Variants in CCSER1 observed in about 807,000 individuals in gnomAD.
CCSER1 encodes serine-rich coiled-coil domain-containing protein 1.
A neutral mutation model predicts 82.0 loss-of-function variants in CCSER1; 41 were observed. That is an observed-to-expected ratio of 0.50 (90% CI 0.39 to 0.65). CCSER1 has a LOEUF of 0.65. CCSER1 is among the 30% of genes least tolerant of loss of function. CCSER1 has a pLI of 0.00. For synonymous variants in CCSER1, 414 were observed against 383.9 expected (o/e 1.08, Z -0.92); for missense variants, 1,119 against 1,064.2 (o/e 1.05, Z -0.72).
Position 91,598,663 on chromosome 4 carries a change from C to G in CCSER1, c.2309C>G (p.Ser770Trp). ...HTPTEDRFRY[S>W]AADQTSPYKN... ...CCCACCGAGGACCGTTTTAGGTATT[C>G]GGCAGCGGACCAGACAAGCCCCTAC... Residue 770 changes from serine (S) to tryptophan (W), a missense_variant, in exon 11 of 11, where the codon TCG becomes TGG. By Grantham distance (177) the Ser-to-Trp change is radical. Coordinates refer to ENST00000509176, the MANE Select transcript of CCSER1 (RefSeq NM_001145065.2). The G allele has an allele frequency of 6.4e-7, 1 of 1,551,434 alleles. No homozygotes were observed. Among genetic ancestry groups the G allele is most frequent in the Non-Finnish European group, 8.7e-7 (1 of 1,146,912 alleles).
chr4:90,148,939 C>T (rs1024458542), intron 1 of CCSER1, among the ~76,000 whole-genome samples: 4 of 152,124 alleles, frequency 2.6e-5, no homozygotes, highest in African/African-American at 4.8e-5. Flanking sequence ...AAGTAGGTCA[C>T]ACCCTAACTA....
intron 10 of CCSER1, among the ~76,000 whole-genome samples, chr4:91,166,469 A>T (rs534227676): frequency 1.3e-5 from 2 of 152,334 alleles, no homozygotes; most frequent in African/African-American, 2.4e-5. Flanking sequence ...AAGTCTAATT[A>T]CCTGTCAATG....
intron 1 of CCSER1, among the ~76,000 whole-genome samples, chr4:90,209,604 A>G (rs1040497378): frequency 6.6e-6 from 1 of 152,046 alleles, no homozygotes; most frequent in Admixed American, 6.6e-5. Context: ...AGACAGTTCT[A>G]ATTTTATTTG....
chr4:90,218,139 G>A (rs2153419178), intron 1 of CCSER1, among the ~76,000 whole-genome samples: 1 of 152,252 alleles, frequency 6.6e-6, no homozygotes, highest in South Asian at 2.1e-4. Context: ...ATCATGAAAG[G>A]AGGTTAGATT....
intron 1 of CCSER1, among the ~76,000 whole-genome samples, chr4:90,259,175 C>G (rs1723875603): frequency 6.6e-6 from 1 of 151,908 alleles, no homozygotes; most frequent in Non-Finnish European, 1.5e-5. Flanking sequence ...TGTAGTTTTC[C>G]TTTATAGTTT....
At chr4:90,484,491 AT>A (rs1766651428) in intron 5 of CCSER1, among the ~76,000 whole-genome samples, 1 of 151,786 alleles carries the variant, frequency 6.6e-6, no homozygotes, top group Non-Finnish European at 1.5e-5. Flanking sequence ...TTTTTTCCCC[AT>A]CTTTGTGGTT....
Position 90,604,874 on chromosome 4 carries a change from C to T in CCSER1, c.1725-23151C>T, listed in dbSNP as rs75207862. ...CAATCAGCACCCTGTCAAAATGGGCCAATCAGCTCTCTGTAAAGTGGGCCA... is the reference window on the plus strand; with the variant it reads ...CAATCAGCACCCTGTCAAAATGGGCTAATCAGCTCTCTGTAAAGTGGGCCA... On this transcript the variant is annotated intron_variant, in intron 5 of 10. Transcript: ENST00000509176. Among the ~76,000 whole-genome samples, 448 of 152,234 alleles carry T rather than the reference C, an allele frequency of 2.9e-3. 2 individuals carry two copies. The highest frequency in any genetic ancestry group is 0.01 in the African/African-American group (432 of 41,534).
At chr4:91,083,562 TA>T (rs1483924431) in intron 9 of CCSER1, among the ~76,000 whole-genome samples, 2 of 151,146 alleles carry the variant, frequency 1.3e-5, no homozygotes, top group Non-Finnish European at 3.0e-5. Context: ...TAAAATAAAG[TA>T]AAATGAAATA....
At chr4:90,468,911 C>T (rs1344652130) in intron 5 of CCSER1, among the ~76,000 whole-genome samples, 2 of 151,864 alleles carry the variant, frequency 1.3e-5, no homozygotes, top group African/African-American at 4.8e-5. Context: ...CTTATAATGA[C>T]TAAAGAGGCT....
chr4:90,157,707 C>T (rs1266999847), intron 1 of CCSER1, among the ~76,000 whole-genome samples: 1 of 135,540 alleles, frequency 7.4e-6, no homozygotes, highest in Non-Finnish European at 1.8e-5. Context: ...GTTCTTGAGC[C>T]TTGGCTTTCA....
intron 9 of CCSER1, among the ~76,000 whole-genome samples, chr4:91,062,709 G>A (rs906594528): frequency 9.9e-5 from 15 of 152,074 alleles, no homozygotes; most frequent in Admixed American, 1.3e-4. Flanking sequence ...GTTTATGGAA[G>A]AGCAAACTTA....
intron 8 of CCSER1, among the ~76,000 whole-genome samples, chr4:90,848,589 TTTAG>T (rs1251191995): frequency 2.0e-5 from 3 of 152,200 alleles, no homozygotes; most frequent in African/African-American, 7.2e-5. Flanking sequence ...GATAACTCAT[TTTAG>T]TTACTCAGAA....
chr4:91,151,414 A>G (rs997608057), intron 10 of CCSER1, among the ~76,000 whole-genome samples: 49 of 152,032 alleles, frequency 3.2e-4, no homozygotes, highest in African/African-American at 1.2e-3. Context: ...TCTTTTCAAA[A>G]AACCAGCTCC....
At position 91,598,885 on chromosome 4, in the gene CCSER1, A is replaced by G; in HGVS notation, c.2531A>G (p.Glu844Gly). The G allele has an allele frequency of 6.4e-7, 1 of 1,551,636 alleles. No individual in the cohort carries two copies. Among genetic ancestry groups the G allele is most frequent in the Non-Finnish European group, 8.7e-7 (1 of 1,146,938 alleles). ...AKTEGLSTFL[E>G]KPKDQVATAR... is the part of the protein sequence containing the mutation. ...ACAGAAGGGCTCTCCACGTTCTTAG[A>G]GAAACCAAAGGACCAAGTTGCTACG... The change falls in exon 11 of 11, where the codon GAG becomes GGG. Residue 844 changes from glutamate to glycine, a missense_variant. Coordinates refer to ENST00000509176, the MANE Select transcript of CCSER1 (RefSeq NM_001145065.2).
intron 8 of CCSER1, among the ~76,000 whole-genome samples, chr4:90,913,351 A>G (rs1391397087): frequency 2.0e-5 from 3 of 152,204 alleles, no homozygotes; most frequent in Non-Finnish European, 4.4e-5. Flanking sequence ...ATTCTTAAAG[A>G]AAAGAATTTT....
intron 8 of CCSER1, among the ~76,000 whole-genome samples, chr4:90,902,872 T>C (rs1724871125): frequency 6.6e-6 from 1 of 151,902 alleles, no homozygotes; most frequent in Non-Finnish European, 1.5e-5. Flanking sequence ...GTTGGGTGTA[T>C]TGAGATCTCA....
At chr4:91,243,448 G>A (rs1024250651) in intron 10 of CCSER1, among the ~76,000 whole-genome samples, 3 of 152,176 alleles carry the variant, frequency 2.0e-5, no homozygotes, top group Admixed American at 2.0e-4. Flanking sequence ...CTAAGGGAGT[G>A]CTTGTGCCAT....
At chr4:90,266,999 C>T (rs746213298) in intron 1 of CCSER1, among the ~76,000 whole-genome samples, 3 of 151,916 alleles carry the variant, frequency 2.0e-5, no homozygotes, top group Non-Finnish European at 4.4e-5. Context: ...TCTTAAGTAG[C>T]AGCTCTGCCA....
At chr4:90,134,037 T>C (rs1178874051) in intron 1 of CCSER1, among the ~76,000 whole-genome samples, 1 of 141,174 alleles carries the variant, frequency 7.1e-6, no homozygotes, top group Non-Finnish European at 1.5e-5. Flanking sequence ...AAATATTATT[T>C]TATTAACAAC....
Sources: gnomAD v4.1 joint callset for allele counts (sites outside exome capture counted in the v4.1 genomes callset) on GRCh38, gnomAD v4.1.1 for gene constraint, MANE v1.5 for transcripts, NCBI Gene and HGNC (gene_info 2026-07-23, HGNC 2026-07-21) for gene names.